Variants in FMN1 observed in about 807,000 individuals in gnomAD.
FMN1 encodes formin-1.
In FMN1, 110 loss-of-function variants were observed where a neutral mutation model predicts 132.4. That is an observed-to-expected ratio of 0.83 (90% CI 0.71 to 0.97). The LOEUF (loss-of-function observed/expected upper bound fraction) is 0.97, where lower values mean the gene tolerates loss of function less well. FMN1 is among the 50% of genes least tolerant of loss of function. The probability of loss-of-function intolerance (pLI) is 0.00; values close to 1 mark genes in which losing one functional copy is unlikely to be tolerated. For missense variants in FMN1, 1,792 were observed against 1,705.3 expected (o/e 1.05, Z -0.90); for synonymous variants, 722 against 651.7 (o/e 1.11, Z -1.64).
rs1964542559 is a variant in FMN1 at position 33,153,637 on chromosome 15, C to G, written c.1278G>C (p.Glu426Asp). 6.5e-7 allele frequency: 1 copy of G among 1,536,294 alleles called. No individual in the cohort carries two copies. Among genetic ancestry groups the G allele is most frequent in the African/African-American group, 1.4e-5 (1 of 73,172 alleles). Reference sequence around the variant, plus strand: ...CAGGGGCTTCATCTAACTTCTCACTCTCTATCACCTTCAGGGGGACCTTGT... The same window carrying G: ...CAGGGGCTTCATCTAACTTCTCACTGTCTATCACCTTCAGGGGGACCTTGT... ...AVNKVPLKVI[E>D]SEKLDEAPEG... Residue 426 changes from glutamate (E) to aspartate (D), a missense_variant, in exon 4 of 21, where the codon GAG (glutamate) becomes GAC (aspartate). By Grantham distance (45) the Glu-to-Asp change is conservative. Around this residue, in one of 3 missense-constraint regions of FMN1, gnomAD observed 638 missense variants for 645.2 expected, o/e 0.99. Coordinates refer to ENST00000616417, the MANE Select transcript of FMN1 (RefSeq NM_001277313.2).
chr15:32,884,283 A>AG (rs1762701189), intron 16 of FMN1, among the ~76,000 whole-genome samples: 1 of 152,128 alleles, frequency 6.6e-6, no homozygotes, highest in Non-Finnish European at 1.5e-5. Flanking sequence ...GGCTCTAGGG[A>AG]GAATCTGTTC....
chr15:32,882,032 GA>G (rs1442995482), intron 16 of FMN1, among the ~76,000 whole-genome samples: 1 of 152,174 alleles, frequency 6.6e-6, no homozygotes, highest in African/African-American at 2.4e-5. Flanking sequence ...GGGAGTCAGA[GA>G]AACTGAAAAA....
At position 33,014,717 on chromosome 15, in the gene FMN1, C is replaced by G. The variant is rs149359058; in HGVS notation, c.2162-6642G>C. On this transcript the variant is annotated intron_variant, in intron 6 of 20. Transcript: ENST00000616417. Reference sequence around the variant, plus strand: ...AGTATTTAGCTAATTGGTTCCTTCCCTTTATGTTGCACAAACCTTCCTTTT... The same window carrying G: ...AGTATTTAGCTAATTGGTTCCTTCCGTTTATGTTGCACAAACCTTCCTTTT... Among the ~76,000 whole-genome samples the G allele has an allele frequency of 7.8e-3, 1,182 of 152,230 alleles. 15 individuals are homozygous for G. Among genetic ancestry groups the G allele is most frequent in the African/African-American group, 0.027 (1,128 of 41,542 alleles).
chr15:32,816,853 A>C (rs1253325725), intron 17 of FMN1, among the ~76,000 whole-genome samples: 1 of 152,236 alleles, frequency 6.6e-6, no homozygotes, highest in African/African-American at 2.4e-5. Context: ...GAAATTCTAC[A>C]ATCTCTATAA....
intron 6 of FMN1, among the ~76,000 whole-genome samples, chr15:33,020,375 C>T (rs915125415): frequency 9.3e-5 from 14 of 150,552 alleles, no homozygotes; most frequent in Admixed American, 5.3e-4. Flanking sequence ...TGGCCAGGCG[C>T]GGTGGCTCAT....
intron 9 of FMN1, among the ~76,000 whole-genome samples, chr15:32,962,931 G>A (rs12915837): frequency 0.21 from 28,466 of 137,772 alleles, 3,502 homozygotes; most frequent in African/African-American, 0.41. Flanking sequence ...GGAAGTCAGT[G>A]TGGCGATTCC....
At position 32,969,418 on chromosome 15, in the gene FMN1, T is replaced by C. The variant is rs1382453707; in HGVS notation, c.2283A>G (p.Arg761=). ...TCAGATTTTCAATGGTTTCTTCTAGTCTCGCTGTTATCATTGCATGCTCGC... is the reference window on the plus strand; with the variant it reads ...TCAGATTTTCAATGGTTTCTTCTAGCCTCGCTGTTATCATTGCATGCTCGC... The part of the protein sequence containing the change: ...IRGEHAMITA[R]LEETIENLKH... The change falls in exon 8 of 21, where the codon AGA becomes AGG. Residue 761 remains arginine (R), a synonymous_variant. Coordinates refer to ENST00000616417, the MANE Select transcript of FMN1 (RefSeq NM_001277313.2). 6.2e-7 allele frequency: 1 copy of C among 1,614,012 alleles called. No individual in the cohort carries two copies. Among genetic ancestry groups the C allele is most frequent in the Admixed American group, 1.7e-5 (1 of 60,030 alleles).
chr15:33,059,274 GTTTA>G (rs1008588236), intron 6 of FMN1, among the ~76,000 whole-genome samples: 15 of 152,168 alleles, frequency 9.9e-5, no homozygotes, highest in Admixed American at 2.6e-4. Context: ...ATATAACATA[GTTTA>G]TTTATCCATT....
At chr15:33,000,166 G>A (rs1203564590) in intron 7 of FMN1, among the ~76,000 whole-genome samples, 3 of 152,216 alleles carry the variant, frequency 2.0e-5, no homozygotes, top group Non-Finnish European at 4.4e-5. Context: ...ACGGGAGGCA[G>A]TGGCTGGACG....
intron 9 of FMN1, among the ~76,000 whole-genome samples, chr15:32,944,596 T>TTCAC (rs1370676545): frequency 1.3e-5 from 2 of 152,324 alleles, no homozygotes; most frequent in African/African-American, 4.8e-5. Flanking sequence ...ATCTAGGCTC[T>TTCAC]TCACCAAGAA....
Position 33,002,554 on chromosome 15 carries a change from G to A in FMN1, c.2223+5460C>T, listed in dbSNP as rs775473668. On this transcript the variant is annotated intron_variant, in intron 7 of 20. Coordinates refer to ENST00000616417, the MANE Select transcript of FMN1 (RefSeq NM_001277313.2). ...ATTTTCAGTATCACCCAGAGTACAG[G>A]GGTAATTAATCAGGCAGGTAAAGTG... is the stretch of plus-strand genomic sequence containing the variant. Among the ~76,000 whole-genome samples, 272 of 152,266 alleles carry A rather than the reference G, an allele frequency of 1.8e-3. 1 individual carries two copies. Among genetic ancestry groups the A allele is most frequent in the Non-Finnish European group, 2.5e-3 (172 of 68,010 alleles).
rs554779383 is a variant in FMN1 at position 32,798,832 on chromosome 15, G to T, written c.4102C>A (p.Arg1368=). Residue 1368 remains arginine, a synonymous_variant, in exon 19 of 21, where the codon CGG becomes AGG. Transcript: ENST00000616417. ...FCSDFKTIWK[R]ESKNISKERL... The stretch of plus-strand genomic sequence containing the variant: ...TCTTTAGATATGTTTTTACTCTCCC[G>T]TTTCCAAATTGTCTTGAAGTCACTG... 21 of 1,612,774 alleles carry T rather than the reference G, an allele frequency of 1.3e-5. No individual in the cohort carries two copies. Among genetic ancestry groups the T allele is most frequent in the South Asian group, 5.5e-5 (5 of 90,802 alleles).
Position 32,919,466 on chromosome 15 carries a change from T to C in FMN1, c.3226+6708A>G, listed in dbSNP as rs567710888. 2.4e-4 allele frequency among the ~76,000 whole-genome samples: 37 copies of C among 152,322 alleles called. 1 individual carries two copies. The highest frequency in any genetic ancestry group is 3.4e-3 in the Middle Eastern group (1 of 294). On this transcript the variant is annotated intron_variant, in intron 10 of 20. Coordinates refer to ENST00000616417, the MANE Select transcript of FMN1 (RefSeq NM_001277313.2). ...TCATTACTGTTAATAATGAGACTCA[T>C]TGTAATCGCATATTGAGCCTTGAGA...
chr15:33,082,021 GTGT>G (rs1430449135), intron 5 of FMN1, among the ~76,000 whole-genome samples: 14 of 47,240 alleles, frequency 3.0e-4, no homozygotes, highest in African/African-American at 1.2e-3. Context: ...GAGTTCAGGG[GTGT>G]GTGTGTGTGT....
intron 9 of FMN1, among the ~76,000 whole-genome samples, chr15:32,931,406 T>G (rs1481230278): frequency 6.6e-6 from 1 of 152,250 alleles, no homozygotes; most frequent in Non-Finnish European, 1.5e-5. Context: ...TCTGTACTAG[T>G]CTTTTACCCT....
intron 17 of FMN1, among the ~76,000 whole-genome samples, chr15:32,834,183 T>A: frequency 6.6e-6 from 1 of 152,248 alleles, no homozygotes; most frequent in Non-Finnish European, 1.5e-5. Flanking sequence ...AACTTCTGTC[T>A]GGTTCTTTGG....
At chr15:32,920,808 A>G (rs1009133017) in intron 10 of FMN1, among the ~76,000 whole-genome samples, 2 of 152,248 alleles carry the variant, frequency 1.3e-5, no homozygotes, top group African/African-American at 4.8e-5. Flanking sequence ...GAGCAACCGT[A>G]GCAATTCTCT....
chr15:33,162,863 TC>T (rs1344388153), intron 3 of FMN1, among the ~76,000 whole-genome samples: 2 of 152,154 alleles, frequency 1.3e-5, no homozygotes, highest in African/African-American at 4.8e-5. Context: ...ACGCCTGTAA[TC>T]CCAGCACTTT....
chr15:32,953,300 A>G (rs934651758), intron 9 of FMN1, among the ~76,000 whole-genome samples: 20 of 152,168 alleles, frequency 1.3e-4, no homozygotes, highest in African/African-American at 3.6e-4. Flanking sequence ...TTGTAAATTG[A>G]CCATGGCTAA....
Sources: gnomAD v4.1 joint callset for allele counts (sites outside exome capture counted in the v4.1 genomes callset) on GRCh38, gnomAD v4.1.1 for gene constraint, gnomAD v4.1.1 regional missense constraint, MANE v1.5 for transcripts, NCBI Gene and HGNC (gene_info 2026-07-23, HGNC 2026-07-21) for gene names.